ATRN: variants seen among roughly 807,000 people sequenced by gnomAD.
ATRN encodes attractin, also known as attractin-2.
Under a neutral mutation model 178.7 loss-of-function variants are expected in ATRN, and 54 were observed. The observed-to-expected ratio is 0.30, with a 90% CI of 0.24 to 0.38. The LOEUF (loss-of-function observed/expected upper bound fraction) is 0.38. Ranked by LOEUF, ATRN falls within the 10% of genes least tolerant of loss-of-function variation. ATRN has a pLI of 1.00. For missense variants in ATRN, 1,443 were observed against 1,815.1 expected, an observed-to-expected ratio of 0.79 and a Z score of 3.73; for synonymous variants, 636 against 663.0, an observed-to-expected ratio of 0.96 and a Z score of 0.63.
At chr20:3,502,913 G>A (rs1013074548) in intron 1 of ATRN, among the ~76,000 whole-genome samples, 3 of 152,166 alleles carry the variant, frequency 2.0e-5, no homozygotes, top group Non-Finnish European at 2.9e-5. Context: ...GGGCAGGTAG[G>A]TGGAACTGGC....
intron 6 of ATRN, among the ~76,000 whole-genome samples, chr20:3,555,625 C>G (rs2085866699): frequency 6.6e-6 from 1 of 152,094 alleles, no homozygotes; most frequent in Non-Finnish European, 1.5e-5. Context: ...TCATCTGAGC[C>G]CCAACATTTC....
intron 3 of ATRN, among the ~76,000 whole-genome samples, chr20:3,541,224 C>A (rs2085616127): frequency 6.6e-6 from 1 of 151,672 alleles, no homozygotes; most frequent in South Asian, 2.1e-4. Context: ...ACTACAGGCG[C>A]CCGCTACCAC....
intron 15 of ATRN, among the ~76,000 whole-genome samples, chr20:3,581,369 A>G (rs1238247779): frequency 2.0e-5 from 3 of 152,234 alleles, no homozygotes; most frequent in Admixed American, 2.0e-4. Flanking sequence ...CTTGTTAAAA[A>G]TTGCAATGAG....
intron 27 of ATRN, among the ~76,000 whole-genome samples, chr20:3,641,330 C>A (rs2087065823): frequency 6.6e-6 from 1 of 152,026 alleles, no homozygotes; most frequent in African/African-American, 2.4e-5. Flanking sequence ...GTGGCTAACA[C>A]CTGTAATCCG....
intron 24 of ATRN, among the ~76,000 whole-genome samples, chr20:3,611,340 A>G (rs1297519890): frequency 1.3e-5 from 2 of 152,230 alleles, no homozygotes; most frequent in Non-Finnish European, 2.9e-5. Flanking sequence ...CTCAACAGTA[A>G]ACAAACGAAC....
At position 3,649,046 on chromosome 20, in the gene ATRN, G is replaced by A. The variant is rs2087127095; in HGVS notation, c.*2199G>A. ...AAAGATAATGTTTATTTTTAAAAAG[G>A]AAGGAAGGAGCAAGTGAAGTTTCAT... On this transcript the variant is annotated 3_prime_UTR_variant, in exon 29 of 29. Coordinates refer to ENST00000262919, the MANE Select transcript of ATRN (RefSeq NM_139321.3). 1 of 152,192 alleles carries A rather than the reference G, an allele frequency of 6.6e-6. No homozygotes were observed. Among genetic ancestry groups the A allele is most frequent in the African/African-American group, 2.4e-5 (1 of 41,438 alleles). 9.4% of individuals were successfully genotyped at this position (152,192 alleles called of 1,614,324 possible). A position where few individuals can be genotyped will look rare whatever the true frequency, so the allele number is the denominator to read the frequency against.
In ATRN at chr20:3,634,202, C is replaced by T. The variant is rs6037640; in HGVS notation, c.3864-109C>T. On this transcript the variant is annotated intron_variant, in intron 25 of 28. Coordinates refer to ENST00000262919, the MANE Select transcript of ATRN (RefSeq NM_139321.3). The stretch of plus-strand genomic sequence containing the variant: ...TGTGACAAAGCATCAGAAGGGAGCC[C>T]GGAGGTGGCATGTGGGAGCTGTTTT... 2.5e-3 allele frequency: 2,197 copies of T among 892,788 alleles called. 42 individuals carry two copies. The African/African-American group carries it at 0.032, about 13-fold the overall frequency. The allele number at this position is 892,788 out of a possible 1,614,324, so 55.3% of individuals were successfully genotyped here.
intron 6 of ATRN, among the ~76,000 whole-genome samples, chr20:3,551,031 G>A (rs1409508140): frequency 6.6e-6 from 1 of 152,192 alleles, no homozygotes. Context: ...GCCTTGCCCA[G>A]ATCTGTTTAT....
intron 25 of ATRN, among the ~76,000 whole-genome samples, chr20:3,631,699 G>A (rs2086990931): frequency 6.6e-6 from 1 of 152,194 alleles, no homozygotes; most frequent in Non-Finnish European, 1.5e-5. Flanking sequence ...TGTATTACGG[G>A]TGGACCCAAG....
At position 3,560,862 on chromosome 20, in the gene ATRN, C is replaced by T; in HGVS notation, c.1404C>T (p.Cys468=). ...RVVMLVIFGH[C]PLYGYISNVQ... is the part of the protein sequence containing the mutation. Reference sequence around the variant, plus strand: ...TCATGCTGGTCATCTTTGGTCACTGCCCTCTCTATGGATATATAAGCAATG... The same window carrying T: ...TCATGCTGGTCATCTTTGGTCACTGTCCTCTCTATGGATATATAAGCAATG... The change falls in exon 8 of 29, where the codon TGC becomes TGT. Residue 468 remains cysteine, a synonymous_variant. Coordinates refer to ENST00000262919, the MANE Select transcript of ATRN (RefSeq NM_139321.3). The T allele has an allele frequency of 6.2e-7, 1 of 1,614,040 alleles. No homozygotes were observed. Among genetic ancestry groups the T allele is most frequent in the Non-Finnish European group, 8.5e-7 (1 of 1,179,968 alleles).
chr20:3,600,451 A>C (rs1202103398), intron 22 of ATRN, among the ~76,000 whole-genome samples: 1 of 152,196 alleles, frequency 6.6e-6, no homozygotes, highest in Non-Finnish European at 1.5e-5. Flanking sequence ...GCCTTTTTTA[A>C]AGGCTGTTTC....
chr20:3,629,965 C>G (rs763872016), intron 25 of ATRN, among the ~76,000 whole-genome samples: 13 of 152,274 alleles, frequency 8.5e-5, no homozygotes, highest in Non-Finnish European at 1.5e-4. Flanking sequence ...GGTTTCATTA[C>G]ATAGGCATGA....
At chr20:3,607,680 A>C (rs2086694093) in intron 24 of ATRN, among the ~76,000 whole-genome samples, 1 of 152,160 alleles carries the variant, frequency 6.6e-6, no homozygotes, top group South Asian at 2.1e-4. Flanking sequence ...GCTGTGATAA[A>C]CATTTAGAGC....
chr20:3,535,035 A>G (rs2085505556), intron 1 of ATRN, among the ~76,000 whole-genome samples: 1 of 152,110 alleles, frequency 6.6e-6, no homozygotes. Context: ...CTTCTTTTTT[A>G]ATGTATGCAA....
chr20:3,494,796 G>A (rs916529179), intron 1 of ATRN, among the ~76,000 whole-genome samples: 1 of 152,146 alleles, frequency 6.6e-6, no homozygotes, highest in African/African-American at 2.4e-5. Context: ...AGCCACGGAT[G>A]CAGATGTAAT....
At chr20:3,488,257 A>G (rs2084725374) in intron 1 of ATRN, among the ~76,000 whole-genome samples, 1 of 151,984 alleles carries the variant, frequency 6.6e-6, no homozygotes, top group East Asian at 1.9e-4. Flanking sequence ...TCTTGTTGAA[A>G]TCTTTCCCTA....
chr20:3,576,081 T>C, intron 13 of ATRN, 133 bp downstream of exon 13: 1 of 1,097,740 alleles, frequency 9.1e-7, no homozygotes. Context: ...TTATTATCCC[T>C]GAGGTTTTCC....
chr20:3,547,581 T>A, intron 5 of ATRN, 92 bp downstream of exon 5: 1 of 991,016 alleles, frequency 1.0e-6, no homozygotes, highest in African/African-American at 1.7e-5. Flanking sequence ...AGCACCTATA[T>A]AATTTATATT....
chr20:3,621,560 TG>T (rs2086897377), intron 24 of ATRN, among the ~76,000 whole-genome samples: 1 of 152,236 alleles, frequency 6.6e-6, no homozygotes, highest in South Asian at 2.1e-4. Flanking sequence ...TGGAGTATGG[TG>T]TCTACTGTTT....
Sources: allele counts gnomAD v4.1 joint callset (sites outside exome capture counted in the v4.1 genomes callset), GRCh38; gene constraint gnomAD v4.1.1; transcripts MANE v1.5; gene names NCBI Gene and HGNC (gene_info 2026-07-23, HGNC 2026-07-21).